IKZF2: variants seen among roughly 807,000 people sequenced by gnomAD.
IKZF2 encodes zinc finger protein Helios.
In IKZF2, 15 loss-of-function variants were observed where a neutral mutation model predicts 49.2. The observed-to-expected ratio is 0.30, with a 90% confidence interval of 0.20 to 0.47. The LOEUF (loss-of-function observed/expected upper bound fraction) is 0.47. Ranked by LOEUF, IKZF2 falls within the 20% of genes least tolerant of loss-of-function variation. The pLI, the probability that IKZF2 is intolerant of heterozygous loss-of-function variation, is 1.00. For missense variants in IKZF2, 567 were observed against 664.6 expected, an observed-to-expected ratio of 0.85 and a Z score of 1.61; for synonymous variants, 227 against 221.4, an observed-to-expected ratio of 1.03 and a Z score of -0.23.
intron 4 of IKZF2, among the ~76,000 whole-genome samples, chr2:213,123,971 G>A (rs900650607): frequency 6.6e-6 from 1 of 151,792 alleles, no homozygotes; most frequent in Admixed American, 6.6e-5. Flanking sequence ...TTTCAGACAG[G>A]CAGATGAGGG....
chr2:213,053,279 T>C (rs1162859233), intron 5 of IKZF2, among the ~76,000 whole-genome samples: 1 of 152,120 alleles, frequency 6.6e-6, no homozygotes, highest in Non-Finnish European at 1.5e-5. Flanking sequence ...TATCTCAATC[T>C]GTTGTTTTGT....
chr2:213,124,252 GCACACACACACACACACA>G (rs66958263), intron 4 of IKZF2, among the ~76,000 whole-genome samples: 51 of 136,322 alleles, frequency 3.7e-4, no homozygotes, highest in Middle Eastern at 7.5e-3. Flanking sequence ...GCGCGCGCGC[GCACACACACACACACACA>G]CACACACACA....
chr2:213,119,747 G>T lies in IKZF2; in HGVS notation c.139+27961C>A, dbSNP rs571461105. The stretch of plus-strand genomic sequence containing the variant: ...TTTCTCTACAGACTCGGGTTCAGAG[G>T]TCACCATCATATATGGATCCCTACC... On this transcript the variant is annotated intron_variant, in intron 4 of 8. Coordinates refer to ENST00000434687, the MANE Select transcript of IKZF2 (RefSeq NM_001387220.1). Among the ~76,000 whole-genome samples, 4 of 152,242 alleles carry T rather than the reference G, an allele frequency of 2.6e-5. No individual in the cohort carries two copies. The South Asian group carries it at 6.2e-4, about 24-fold the overall frequency.
Position 213,116,498 on chromosome 2 carries a change from G to T in IKZF2, c.139+31210C>A, listed in dbSNP as rs2059879442. Among the ~76,000 whole-genome samples, 3 of 152,198 alleles carry T rather than the reference G, an allele frequency of 2.0e-5. No homozygotes were observed. In the South Asian group the frequency reaches 6.2e-4, roughly 32 times the overall value. On this transcript the variant is annotated intron_variant, in intron 4 of 8. Coordinates refer to ENST00000434687, the MANE Select transcript of IKZF2 (RefSeq NM_001387220.1). ...ATCTGTAATCCCAGCATTTTGGGAG[G>T]CCAAGGCGGGTGGATTGCTTGAGTC...
chr2:213,043,528 T>A (rs746861089), intron 6 of IKZF2, among the ~76,000 whole-genome samples: 12 of 152,366 alleles, frequency 7.9e-5, no homozygotes, highest in Non-Finnish European at 1.8e-4. Flanking sequence ...AAAATCATTA[T>A]ATTCCCCTTA....
At chr2:213,121,610 C>T (rs1050845872) in intron 4 of IKZF2, among the ~76,000 whole-genome samples, 1 of 152,126 alleles carries the variant, frequency 6.6e-6, no homozygotes, top group Admixed American at 6.5e-5. Flanking sequence ...TGTGATTACC[C>T]CTGGCATATT....
chr2:213,074,220 T>C (rs1461990334), intron 4 of IKZF2, among the ~76,000 whole-genome samples: 2 of 152,196 alleles, frequency 1.3e-5, no homozygotes, highest in Non-Finnish European at 2.9e-5. Context: ...TAAAATCAAC[T>C]ATCACCTAAC....
rs2124924102 is a variant in IKZF2 at position 212,999,699 on chromosome 2, T to C, written c.*7661A>G. 6.6e-6 allele frequency: 1 copy of C among 152,428 alleles called. No homozygotes were observed. The highest frequency in any genetic ancestry group is 1.9e-4 in the East Asian group (1 of 5,178). The allele number at this position is 152,428 out of a possible 1,614,324, so 9.4% of individuals were successfully genotyped here. On this transcript the variant is annotated 3_prime_UTR_variant, in exon 9 of 9. Transcript: ENST00000434687. Reference sequence around the variant, plus strand: ...CACCAGAAAGTTTTTATAGCAAACTTTTTATGTCAGAAGTTTATTTTATTG... The same window carrying C: ...CACCAGAAAGTTTTTATAGCAAACTCTTTATGTCAGAAGTTTATTTTATTG...
At chr2:213,134,078 G>C (rs1405345779) in intron 4 of IKZF2, among the ~76,000 whole-genome samples, 1 of 152,128 alleles carries the variant, frequency 6.6e-6, no homozygotes, top group Non-Finnish European at 1.5e-5. Context: ...ATGTCTCAAT[G>C]GGTAAAAGCC....
At chr2:213,132,158 G>C (rs2060494636) in intron 4 of IKZF2, among the ~76,000 whole-genome samples, 1 of 152,020 alleles carries the variant, frequency 6.6e-6, no homozygotes, top group Non-Finnish European at 1.5e-5. Flanking sequence ...TATCCCAGTC[G>C]GTTAGGTGCT....
At position 213,007,246 on chromosome 2, in the gene IKZF2, T is replaced by C. The variant is rs1049592536; in HGVS notation, c.*114A>G. The C allele has an allele frequency of 8.9e-6, 10 of 1,128,346 alleles. No individual in the cohort carries two copies. The highest frequency in any genetic ancestry group is 5.1e-5 in the Admixed American group (2 of 39,188). 69.9% of individuals were successfully genotyped at this position (1,128,346 alleles called of 1,614,324 possible). The stretch of plus-strand genomic sequence containing the variant: ...AAATAAGAATTATCAACAGTAATAA[T>C]ATTAAAAAAAATAAAAGGTATGTCA... On this transcript the variant is annotated 3_prime_UTR_variant, in exon 9 of 9. Coordinates refer to ENST00000434687, the MANE Select transcript of IKZF2 (RefSeq NM_001387220.1).
At chr2:213,043,731 G>A (rs1217941986) in intron 6 of IKZF2, among the ~76,000 whole-genome samples, 5 of 152,150 alleles carry the variant, frequency 3.3e-5, no homozygotes, top group African/African-American at 1.2e-4. Context: ...ACAATAGGGT[G>A]CGTGCCTATG....
intron 4 of IKZF2, among the ~76,000 whole-genome samples, chr2:213,095,969 T>C (rs1227660584): frequency 6.6e-6 from 1 of 151,988 alleles, no homozygotes; most frequent in East Asian, 1.9e-4. Flanking sequence ...CAATAATTGA[T>C]AGTCATAAGT....
At chr2:213,119,518 G>C (rs1159143503) in intron 4 of IKZF2, among the ~76,000 whole-genome samples, 1 of 151,856 alleles carries the variant, frequency 6.6e-6, no homozygotes, top group Non-Finnish European at 1.5e-5. Context: ...ACATGAGAAG[G>C]AGGAAAAAAA....
chr2:213,118,036 G>T (rs2059932832), intron 4 of IKZF2, among the ~76,000 whole-genome samples: 1 of 151,754 alleles, frequency 6.6e-6, no homozygotes, highest in Non-Finnish European at 1.5e-5. Flanking sequence ...GAACAAAAAG[G>T]CATTCTCATT....
chr2:213,023,139 T>G (rs1559173865), intron 6 of IKZF2, among the ~76,000 whole-genome samples: 1 of 152,168 alleles, frequency 6.6e-6, no homozygotes, highest in Non-Finnish European at 1.5e-5. Flanking sequence ...TGTCTCTATT[T>G]GACTCCCAGA....
chr2:213,142,511 C>T (rs1574989850), intron 4 of IKZF2, among the ~76,000 whole-genome samples: 2 of 151,932 alleles, frequency 1.3e-5, no homozygotes, highest in Admixed American at 1.3e-4. Flanking sequence ...TTTATTGAGT[C>T]TTAGCATGTG....
rs1360629754 is a variant in IKZF2, at chr2:213,007,588, C to T, written c.1353G>A (p.Lys451=). The change falls in exon 9 of 9, where the codon AAG becomes AAA. Residue 451 remains lysine, a synonymous_variant. Coordinates refer to ENST00000434687, the MANE Select transcript of IKZF2 (RefSeq NM_001387220.1). The part of the protein sequence containing the change: ...VKALDTTKAP[K]GSLKDIYKVF... ...CCTTGTAGATGTCCTTCAGAGAGCC[C>T]TTAGGAGCCTTGGTAGTATCCAAAG... 23 of 1,613,578 alleles carry T rather than the reference C, an allele frequency of 1.4e-5. No individual in the cohort carries two copies. The highest frequency in any genetic ancestry group is 3.3e-4 in the Middle Eastern group (2 of 6,074).
At chr2:213,152,183 A>G (rs1351774702), upstream of IKZF2, 1 of 152,096 alleles carries the variant, frequency 6.6e-6, no homozygotes, top group Non-Finnish European at 1.5e-5. Context: ...GGCCGCGTGA[A>G]GTTTTCTTTC....
Sources: gnomAD v4.1 joint callset for allele counts (sites outside exome capture counted in the v4.1 genomes callset) on GRCh38, gnomAD v4.1.1 for gene constraint, MANE v1.5 for transcripts, NCBI Gene and HGNC (gene_info 2026-07-23, HGNC 2026-07-21) for gene names.